The following ABHD17A variants were observed in gnomAD, a reference collection of about 807,000 sequenced individuals.
The protein encoded by ABHD17A is alpha/beta hydrolase domain-containing protein 17A.
In ABHD17A, 10 loss-of-function variants were observed where a neutral mutation model predicts 26.8. The observed-to-expected ratio is 0.37, with a 90% CI of 0.23 to 0.63. The LOEUF is 0.63. Among genes scored for constraint, ABHD17A ranks in the 30% least tolerant of loss-of-function variants. The pLI is 0.61. For missense variants in ABHD17A, 292 were observed against 457.3 expected, an observed-to-expected ratio of 0.64 and a Z score of 3.30; for synonymous variants, 167 against 210.9, an observed-to-expected ratio of 0.79 and a Z score of 1.80.
rs1442877882 is a variant in ABHD17A at position 1,879,873 on chromosome 19, C to G, written c.527+48G>C. ...CCCGCCCCCCGGCCCCCCGCCTGGT[C>G]CCCTCTTGGGTGTGCCCAGGCTGAG... is the stretch of plus-strand genomic sequence containing the variant. On this transcript the variant is annotated intron_variant, in intron 3 of 4. Coordinates refer to ENST00000292577, the MANE Select transcript of ABHD17A (RefSeq NM_001130111.2). The surrounding 1 kb of genome is among the most constrained non-coding windows in gnomAD (Gnocchi z 7.6). The G allele has an allele frequency of 5.2e-6, 8 of 1,529,968 alleles. No homozygotes were observed. Among genetic ancestry groups the G allele is most frequent in the South Asian group, 2.4e-5 (2 of 84,534 alleles). 94.8% of individuals were successfully genotyped at this position (1,529,968 alleles called of 1,614,324 possible). A position where few individuals can be genotyped will look rare whatever the true frequency, so the allele number is the denominator to read the frequency against.
At chr19:1,878,163 G>A (rs1188879087) in intron 3 of ABHD17A, 22 of 163,518 alleles carry the variant, frequency 1.3e-4, no homozygotes, top group Non-Finnish European at 2.8e-4. Context: ...TTGGCCATGA[G>A]GAATTCAGGC....
intron 1 of ABHD17A, 40 bp from the exon 2 acceptor site, chr19:1,881,844 C>A: frequency 2.5e-6 from 1 of 398,744 alleles, no homozygotes; most frequent in Non-Finnish European, 4.4e-6. Flanking sequence ...TTTGGGGGTG[C>A]CACAGTCCAG....
chr19:1,879,576 C>T lies in ABHD17A; in HGVS notation c.527+345G>A, dbSNP rs1599206704. 1 of 361,224 alleles carries T rather than the reference C, an allele frequency of 2.8e-6. No homozygotes were observed. The highest frequency in any genetic ancestry group is 6.2e-5 in the East Asian group (1 of 16,102). 22.4% of individuals were successfully genotyped at this position (361,224 alleles called of 1,614,324 possible). On this transcript the variant is annotated intron_variant, in intron 3 of 4. Coordinates refer to ENST00000292577, the MANE Select transcript of ABHD17A (RefSeq NM_001130111.2). This position sits in a 1 kb window ranked among gnomAD's most constrained non-coding sequence, Gnocchi z 7.6. ...GCTGCCTCGGCCGATGGGCTCCCAGCCACACGTGCACAGACCCCCAGACCA... is the reference window on the plus strand; with the variant it reads ...GCTGCCTCGGCCGATGGGCTCCCAGTCACACGTGCACAGACCCCCAGACCA...
At chr19:1,884,141 TCA>T (rs2145398723) in intron 1 of ABHD17A, among the ~76,000 whole-genome samples, 1 of 152,238 alleles carries the variant, frequency 6.6e-6, no homozygotes, top group Non-Finnish European at 1.5e-5. Context: ...CTTGTATTTT[TCA>T]CACGTTTGGC....
At chr19:1,885,255 G>A (rs1036229422) in intron 1 of ABHD17A, 97 bp downstream of exon 1, 2 of 152,080 alleles carry the variant, frequency 1.3e-5, no homozygotes, top group African/African-American at 4.8e-5. Flanking sequence ...TGGGACTGCA[G>A]GGGTCTCGGG....
At chr19:1,881,014 G>C (rs1359179294) in intron 2 of ABHD17A, 2 of 1,611,426 alleles carry the variant, frequency 1.2e-6, no homozygotes, top group East Asian at 2.2e-5. Flanking sequence ...ACCCATGCCA[G>C]CTGGGGATGG....
chr19:1,879,750 G>A lies in ABHD17A; in HGVS notation c.527+171C>T, dbSNP rs1019264482. 3.4e-5 allele frequency: 22 copies of A among 641,928 alleles called. No homozygotes were observed. Among genetic ancestry groups the A allele is most frequent in the Non-Finnish European group, 4.5e-5 (17 of 374,924 alleles). The allele number at this position is 641,928 out of a possible 1,614,324, so 39.8% of individuals were successfully genotyped here. A position where few individuals can be genotyped will look rare whatever the true frequency, so the allele number is the denominator to read the frequency against. ...GGCCACACCTCAGCCATGTGGAGGC[G>A]GCACCTGCACACCCAAGCTCGCCTG... On this transcript the variant is annotated intron_variant, in intron 3 of 4. Transcript: ENST00000292577. The surrounding 1 kb of genome is among the most constrained non-coding windows in gnomAD (Gnocchi z 7.6).
At position 1,877,155 on chromosome 19, in the gene ABHD17A, C is replaced by A. The variant is rs1308608165; in HGVS notation, c.*45G>T. 5 of 1,438,600 alleles carry A rather than the reference C, an allele frequency of 3.5e-6. No individual in the cohort carries two copies. The highest frequency in any genetic ancestry group is 4.7e-6 in the Non-Finnish European group (5 of 1,066,156). 89.1% of individuals were successfully genotyped at this position (1,438,600 alleles called of 1,614,324 possible). A position where few individuals can be genotyped will look rare whatever the true frequency, so the allele number is the denominator to read the frequency against. ...GGTGGGGGCCGGCGCGGGGTGAGGT[C>A]CGGGGGCCGCCTTATTGCTGAGGTC... On this transcript the variant is annotated 3_prime_UTR_variant, in exon 5 of 5. Transcript: ENST00000292577.
Position 1,879,913 on chromosome 19 carries a change from G to C in ABHD17A, c.527+8C>G, listed in dbSNP as rs567594064. 2.5e-6 allele frequency: 4 copies of C among 1,595,970 alleles called. No homozygotes were observed. In the East Asian group the frequency reaches 9.1e-5, roughly 36 times the overall value. ...CCCAGGCTGAGCTGCCCCCAGGGTC[G>C]CCCTCACCTGGTGCGCAGGGCCTGC... On this transcript the variant is annotated splice_region_variant and intron_variant, in intron 3 of 4. Coordinates refer to ENST00000292577, the MANE Select transcript of ABHD17A (RefSeq NM_001130111.2). This position sits in a 1 kb window ranked among gnomAD's most constrained non-coding sequence, Gnocchi z 7.6.
rs901697520 is a variant in ABHD17A at position 1,881,486 on chromosome 19, G to A, written c.81C>T (p.Ala27=). The A allele has an allele frequency of 1.2e-5, 20 of 1,604,362 alleles. No individual in the cohort carries two copies. The highest frequency in any genetic ancestry group is 2.7e-5 in the African/African-American group (2 of 74,822). The change falls in exon 2 of 5, where the codon GCC becomes GCT. Residue 27 remains alanine, a synonymous_variant. Coordinates refer to ENST00000292577, the MANE Select transcript of ABHD17A (RefSeq NM_001130111.2). The stretch of plus-strand genomic sequence containing the variant: ...AGTAGGTGGCCTCCGGCGGCAGGAA[G>A]GCGAGCTTGGCAGCGATGCGGCCGG... The part of the protein sequence containing the change: ...PCPGRIAAKL[A]FLPPEATYSL...
intron 1 of ABHD17A, chr19:1,882,605 G>C (rs368228662): frequency 2.6e-5 from 4 of 152,336 alleles, no homozygotes; most frequent in Admixed American, 6.5e-5. Context: ...AGTCAAGTGA[G>C]GGGGGAGGGG....
intron 1 of ABHD17A, among the ~76,000 whole-genome samples, chr19:1,884,730 GGAA>G (rs910963893): frequency 5.8e-4 from 89 of 152,308 alleles, no homozygotes; most frequent in African/African-American, 1.9e-3. Context: ...GACCCTGGGA[GGAA>G]GAAGTGAGCA....
chr19:1,884,896 G>A (rs1202793267), intron 1 of ABHD17A, among the ~76,000 whole-genome samples: 1 of 152,188 alleles, frequency 6.6e-6, no homozygotes, highest in East Asian at 1.9e-4. Flanking sequence ...GGACGCGAGC[G>A]GAGGCCGGGA....
chr19:1,884,551 T>C (rs1465751269), intron 1 of ABHD17A, among the ~76,000 whole-genome samples: 1 of 151,874 alleles, frequency 6.6e-6, no homozygotes, highest in African/African-American at 2.4e-5. Context: ...GACCTACATA[T>C]GGGAGACGGT....
Position 1,881,706 on chromosome 19 carries a change from C to A in ABHD17A, c.-140G>T. 1 of 1,276,866 alleles carries A rather than the reference C, an allele frequency of 7.8e-7. No homozygotes were observed. Among genetic ancestry groups the A allele is most frequent in the Non-Finnish European group, 1.0e-6 (1 of 982,706 alleles). The allele number at this position is 1,276,866 out of a possible 1,614,324, so 79.1% of individuals were successfully genotyped here. A position where few individuals can be genotyped will look rare whatever the true frequency, so the allele number is the denominator to read the frequency against. On this transcript the variant is annotated 5_prime_UTR_variant, in exon 2 of 5. Coordinates refer to ENST00000292577, the MANE Select transcript of ABHD17A (RefSeq NM_001130111.2). Reference sequence around the variant, plus strand: ...CCCCCCCAGCTACCGCCCCAGACAGCAGCCCCGTTAGGAGGCCAGGGCCCA... The same window carrying A: ...CCCCCCCAGCTACCGCCCCAGACAGAAGCCCCGTTAGGAGGCCAGGGCCCA...
Position 1,881,656 on chromosome 19 carries a change from C to T in ABHD17A, c.-90G>A, listed in dbSNP as rs1371377869. The T allele has an allele frequency of 7.2e-6, 10 of 1,397,132 alleles. No homozygotes were observed. The highest frequency in any genetic ancestry group is 7.4e-6 in the Non-Finnish European group (8 of 1,085,202). The allele number at this position is 1,397,132 out of a possible 1,614,324, so 86.5% of individuals were successfully genotyped here. ...CGGCAGGGGAGGGGTGGGGGTGCTC[C>T]GAGTCGCGGGCAGGGGGGAGAGCGC... On this transcript the variant is annotated 5_prime_UTR_variant, in exon 2 of 5. Transcript: ENST00000292577.
At chr19:1,878,375 C>T (rs1468339972) in intron 3 of ABHD17A, 1 of 152,570 alleles carries the variant, frequency 6.6e-6, no homozygotes. Flanking sequence ...CCCTCACCCC[C>T]AGGTCATTGG....
At chr19:1,882,683 A>G (rs765143128) in intron 1 of ABHD17A, 1 of 152,224 alleles carries the variant, frequency 6.6e-6, no homozygotes, top group Non-Finnish European at 1.5e-5. Context: ...CATGAAACAC[A>G]TTAAGTCGAC....
At chr19:1,882,973 G>A (rs1335152101) in intron 1 of ABHD17A, 3 of 152,178 alleles carry the variant, frequency 2.0e-5, no homozygotes, top group Admixed American at 6.5e-5. Context: ...CCACAGACAC[G>A]GCTCGTGGGG....
Sources: gnomAD v4.1 joint callset for allele counts (sites outside exome capture counted in the v4.1 genomes callset) on GRCh38, gnomAD v4.1.1 for gene constraint, Gnocchi (gnomAD v3.1) non-coding constraint, MANE v1.5 for transcripts, NCBI Gene and HGNC (gene_info 2026-07-23, HGNC 2026-07-21) for gene names.